The following FDFT1 variants were observed in gnomAD, a reference collection of about 807,000 sequenced individuals.
The protein encoded by FDFT1 is farnesyl-diphosphate farnesyltransferase 1, also known as squalene synthase.
In FDFT1, 68 loss-of-function variants were observed where a neutral mutation model predicts 46.8. The ratio of observed to expected loss-of-function variants is 1.45; its 90% CI spans 1.19 to 1.78. FDFT1 has a LOEUF of 1.78. Ranked by LOEUF, FDFT1 falls within the 40% of genes most tolerant of loss-of-function variation. The pLI is 0.00. For missense variants in FDFT1, 928 were observed against 524.4 expected (o/e 1.77, Z -7.52); for synonymous variants, 351 against 185.1 (o/e 1.90, Z -7.28).
intron 3 of FDFT1, among the ~76,000 whole-genome samples, chr8:11,812,595 A>G (rs1807880748): frequency 2.0e-5 from 3 of 152,194 alleles, no homozygotes; most frequent in African/African-American, 4.8e-5. Flanking sequence ...TTACAAAGAT[A>G]AGTTTGTCAG....
chr8:11,830,240 C>A lies in FDFT1; in HGVS notation c.703-4C>A. ...CCTGTTCCTTAATCTTCTTATCTGTCTAGGTTTGGAGCAGGTATGTTAAGA... is the reference window on the plus strand; with the variant it reads ...CCTGTTCCTTAATCTTCTTATCTGTATAGGTTTGGAGCAGGTATGTTAAGA... On this transcript the variant is annotated splice_polypyrimidine_tract_variant and splice_region_variant and intron_variant, in intron 5 of 7. Transcript: ENST00000220584. 6.2e-7 allele frequency: 1 copy of A among 1,611,882 alleles called. No homozygotes were observed. Among genetic ancestry groups the A allele is most frequent in the Non-Finnish European group, 8.5e-7 (1 of 1,177,962 alleles).
At chr8:11,806,792 G>A (rs545864754) in intron 1 of FDFT1, among the ~76,000 whole-genome samples, 3 of 152,290 alleles carry the variant, frequency 2.0e-5, no homozygotes, top group Admixed American at 2.0e-4. Flanking sequence ...ATTTTGAGAA[G>A]GAAGGAGTTG....
chr8:11,825,690 A>C (rs1029508122), intron 4 of FDFT1, among the ~76,000 whole-genome samples: 1 of 151,302 alleles, frequency 6.6e-6, no homozygotes, highest in Non-Finnish European at 1.5e-5. Context: ...CCATCTCAAA[A>C]AAAAAATAAA....
chr8:11,798,275 G>T (rs904789713), upstream of FDFT1: 3 of 152,150 alleles, frequency 2.0e-5, no homozygotes, highest in Non-Finnish European at 4.4e-5. Context: ...AGCCAGGCTG[G>T]TCTCAAAGTC....
At chr8:11,820,417 G>A (rs1041960139) in intron 3 of FDFT1, among the ~76,000 whole-genome samples, 4 of 152,216 alleles carry the variant, frequency 2.6e-5, no homozygotes, top group Non-Finnish European at 4.4e-5. Context: ...TGCAGAAGCC[G>A]TCTGCTGCCT....
intron 5 of FDFT1, among the ~76,000 whole-genome samples, chr8:11,827,673 C>G (rs1442837322): frequency 6.6e-6 from 1 of 152,154 alleles, no homozygotes; most frequent in East Asian, 1.9e-4. Context: ...AGATAGTTCA[C>G]AGGAAGAGAC....
intron 4 of FDFT1, among the ~76,000 whole-genome samples, chr8:11,823,462 A>T (rs954933415): frequency 6.6e-6 from 1 of 152,158 alleles, no homozygotes; most frequent in African/African-American, 2.4e-5. Context: ...AATTTCAGCA[A>T]GATTTCACTC....
Position 11,807,278 on chromosome 8 carries a change from A to G in FDFT1, c.100-1516A>G, listed in dbSNP as rs369322512. Among the ~76,000 whole-genome samples, 3 of 152,238 alleles carry G rather than the reference A, an allele frequency of 2.0e-5. No individual in the cohort carries two copies. In the South Asian group the frequency reaches 6.2e-4, roughly 32 times the overall value. On this transcript the variant is annotated intron_variant, in intron 1 of 7. Coordinates refer to ENST00000220584, the MANE Select transcript of FDFT1 (RefSeq NM_004462.5). Reference sequence around the variant, plus strand: ...TCAGCCTCCTGAGTAGCTAGTCTTCAGTAGCTAGACTATAGGTGGGCGCCA... The same window carrying G: ...TCAGCCTCCTGAGTAGCTAGTCTTCGGTAGCTAGACTATAGGTGGGCGCCA...
At chr8:11,808,407 T>A in intron 1 of FDFT1, 1 of 1,237,242 alleles carries the variant, frequency 8.1e-7, no homozygotes, top group African/African-American at 1.6e-5. Context: ...CCGTTGTGGG[T>A]CGGCCCAGCG....
At chr8:11,826,382 T>C (rs1809995848) in intron 5 of FDFT1, among the ~76,000 whole-genome samples, 167 bp downstream of exon 5, 1 of 152,246 alleles carries the variant, frequency 6.6e-6, no homozygotes, top group South Asian at 2.1e-4. Context: ...TCAGGTAGAC[T>C]GGCTGACTCC....
intron 4 of FDFT1, among the ~76,000 whole-genome samples, chr8:11,825,315 G>C (rs1218732348): frequency 6.6e-6 from 1 of 152,084 alleles, no homozygotes; most frequent in Non-Finnish European, 1.5e-5. Flanking sequence ...GCCAAGGCTG[G>C]CAGATCAGTT....
rs572310588 is a variant in FDFT1, at chr8:11,825,799, A to C, written c.511-225A>C. 9.8e-5 allele frequency among the ~76,000 whole-genome samples: 15 copies of C among 152,344 alleles called. No homozygotes were observed. The South Asian group carries it at 2.1e-3, about 21-fold the overall frequency. The stretch of plus-strand genomic sequence containing the variant: ...AGAAATTTGGAAAATACAAGTGAAA[A>C]ATAAAAACATCAAATTCCCGTCAGC... On this transcript the variant is annotated intron_variant, in intron 4 of 7. Coordinates refer to ENST00000220584, the MANE Select transcript of FDFT1 (RefSeq NM_004462.5).
chr8:11,824,076 T>G (rs1346095929), intron 4 of FDFT1, among the ~76,000 whole-genome samples: 1 of 152,082 alleles, frequency 6.6e-6, no homozygotes, highest in Non-Finnish European at 1.5e-5. Flanking sequence ...TTGGCCAGGC[T>G]GGTCTAAAAC....
At position 11,830,239 on chromosome 8, in the gene FDFT1, T is replaced by A. The variant is rs1301256516; in HGVS notation, c.703-5T>A. The A allele has an allele frequency of 2.5e-6, 4 of 1,611,756 alleles. No individual in the cohort carries two copies. The highest frequency in any genetic ancestry group is 3.4e-6 in the Non-Finnish European group (4 of 1,177,816). On this transcript the variant is annotated splice_polypyrimidine_tract_variant and splice_region_variant and intron_variant, in intron 5 of 7. Coordinates refer to ENST00000220584, the MANE Select transcript of FDFT1 (RefSeq NM_004462.5). Reference sequence around the variant, plus strand: ...ACCTGTTCCTTAATCTTCTTATCTGTCTAGGTTTGGAGCAGGTATGTTAAG... The same window carrying A: ...ACCTGTTCCTTAATCTTCTTATCTGACTAGGTTTGGAGCAGGTATGTTAAG...
At chr8:11,822,924 G>A (rs1295003918) in intron 4 of FDFT1, among the ~76,000 whole-genome samples, 1 of 152,216 alleles carries the variant, frequency 6.6e-6, no homozygotes, top group Non-Finnish European at 1.5e-5. Context: ...ATTTTAGGTT[G>A]TTGAATAGAA....
At chr8:11,832,576 A>AAAAAAAAAT (rs139242873) in intron 7 of FDFT1, among the ~76,000 whole-genome samples, 39 of 134,886 alleles carry the variant, frequency 2.9e-4, no homozygotes, top group Non-Finnish European at 4.1e-4. Flanking sequence ...AAAAAAAAAA[A>AAAAAAAAAT]GTCTTAGAGA....
chr8:11,836,352 C>T (rs867338515), intron 7 of FDFT1, among the ~76,000 whole-genome samples: 5 of 152,218 alleles, frequency 3.3e-5, no homozygotes, highest in Non-Finnish European at 7.3e-5. Context: ...AACCAGTTTC[C>T]AAGTAGGGCT....
chr8:11,809,334 ACTTT>A, intron 2 of FDFT1: 2 of 1,094,454 alleles, frequency 1.8e-6, no homozygotes, highest in Non-Finnish European at 2.2e-6. Context: ...GTGTTTTTTG[ACTTT>A]CTTTTCTATT....
chr8:11,805,361 C>T (rs769585841), intron 1 of FDFT1, among the ~76,000 whole-genome samples: 6 of 152,310 alleles, frequency 3.9e-5, no homozygotes, highest in African/African-American at 1.4e-4. Context: ...ATCAGTAAAT[C>T]TACGGGCATA....
Sources: gnomAD v4.1 joint callset for allele counts (sites outside exome capture counted in the v4.1 genomes callset) on GRCh38, gnomAD v4.1.1 for gene constraint, MANE v1.5 for transcripts, NCBI Gene and HGNC (gene_info 2026-07-23, HGNC 2026-07-21) for gene names.